Variants in WDR20 observed in about 807,000 individuals in gnomAD.
The protein encoded by WDR20 is WD repeat-containing protein 20.
In WDR20, 3 loss-of-function variants were observed where a neutral mutation model predicts 38.7. That is an observed-to-expected ratio of 0.08 (90% confidence interval 0.04 to 0.20). WDR20 has a LOEUF of 0.20. Among genes scored for constraint, WDR20 ranks in the 10% least tolerant of loss-of-function variants. The probability of loss-of-function intolerance (pLI) is 1.00; values close to 1 mark genes in which losing one functional copy is unlikely to be tolerated. For missense variants in WDR20, 559 were observed against 727.7 expected (o/e 0.77, Z 2.67); for synonymous variants, 298 against 285.6 (o/e 1.04, Z -0.44).
chr14:102,141,016 G>C (rs2050881099), intron 1 of WDR20, among the ~76,000 whole-genome samples: 1 of 152,188 alleles, frequency 6.6e-6, no homozygotes, highest in South Asian at 2.1e-4. Context: ...TGGCGGGCGA[G>C]TTACCGGTAA....
At chr14:102,214,100 C>G (rs1344818135), downstream of WDR20, 1 of 985,568 alleles carries the variant, frequency 1.0e-6, no homozygotes, top group Non-Finnish European at 1.2e-6. Flanking sequence ...GTCGGTGTGC[C>G]CTTGGCTGAG....
At chr14:102,195,513 T>C (rs541255246) in intron 2 of WDR20, among the ~76,000 whole-genome samples, 18 of 152,390 alleles carry the variant, frequency 1.2e-4, no homozygotes, top group African/African-American at 4.1e-4. Context: ...GCTGCTTAAA[T>C]TGTAGCCAAA....
At chr14:102,202,818 A>G (rs2060744193) in intron 2 of WDR20, among the ~76,000 whole-genome samples, 1 of 152,132 alleles carries the variant, frequency 6.6e-6, no homozygotes, top group Non-Finnish European at 1.5e-5. Context: ...ATCATAACTC[A>G]CTGCAGCCTT....
intron 1 of WDR20, among the ~76,000 whole-genome samples, chr14:102,147,943 C>T (rs923797132): frequency 2.6e-5 from 4 of 152,332 alleles, no homozygotes; most frequent in Admixed American, 2.6e-4. Flanking sequence ...GTTGGCCAGG[C>T]TGGCCTTGAA....
At chr14:102,168,620 T>TA in intron 1 of WDR20, among the ~76,000 whole-genome samples, 1 of 152,312 alleles carries the variant, frequency 6.6e-6, no homozygotes, top group Middle Eastern at 3.4e-3. Context: ...TAACCTGTTT[T>TA]AGAGTAGTTG....
intron 2 of WDR20, among the ~76,000 whole-genome samples, chr14:102,201,317 T>A (rs2060342175): frequency 6.6e-6 from 1 of 152,106 alleles, no homozygotes; most frequent in South Asian, 2.1e-4. Flanking sequence ...GAAATGCAGA[T>A]CCACTCACCC....
At chr14:102,212,169 C>CTG (rs1455232269), downstream of WDR20, among the ~76,000 whole-genome samples, 1 of 152,188 alleles carries the variant, frequency 6.6e-6, no homozygotes, top group Non-Finnish European at 1.5e-5. Context: ...GTATGGAGGC[C>CTG]TGTGTGTGTC....
At position 102,222,352 on chromosome 14, in the gene WDR20, C is replaced by T. The variant is rs1172383265; in HGVS notation, c.1693-478C>T. Among the ~76,000 whole-genome samples, 6 of 152,236 alleles carry T rather than the reference C, an allele frequency of 3.9e-5. No individual in the cohort carries two copies. Among genetic ancestry groups the T allele is most frequent in the Non-Finnish European group, 8.8e-5 (6 of 68,044 alleles). Reference sequence around the variant, plus strand: ...CACCACCCAACAAAGCAAGAACCCCCCAGCAGAGAATGCCCTTTCAAAGGT... The same window carrying T: ...CACCACCCAACAAAGCAAGAACCCCTCAGCAGAGAATGCCCTTTCAAAGGT... On this transcript the variant is annotated intron_variant, in intron 3 of 3. Transcript: ENST00000335263. This position sits in a 1 kb window ranked among gnomAD's most constrained non-coding sequence, Gnocchi z 4.4.
chr14:102,164,638 T>C (rs2059404121), intron 1 of WDR20, among the ~76,000 whole-genome samples: 1 of 152,254 alleles, frequency 6.6e-6, no homozygotes, highest in African/African-American at 2.4e-5. Context: ...CAGCAGCATT[T>C]GACACAATTG....
chr14:102,178,971 C>T (rs1365605375), intron 1 of WDR20: 2 of 152,062 alleles, frequency 1.3e-5, no homozygotes, highest in Admixed American at 6.6e-5. Context: ...CAAGGCTACA[C>T]AGCTGGTAAG....
intron 2 of WDR20, among the ~76,000 whole-genome samples, chr14:102,203,820 A>AT (rs894968967): frequency 1.0e-4 from 15 of 149,428 alleles, no homozygotes; most frequent in African/African-American, 2.7e-4. Flanking sequence ...ACTGACTAAG[A>AT]TTTTTTTTTT....
rs571317617 is a variant in WDR20 at position 102,222,766 on chromosome 14, C to T, written c.1693-64C>T. On this transcript the variant is annotated intron_variant, in intron 3 of 3. Transcript: ENST00000335263. This position sits in a 1 kb window ranked among gnomAD's most constrained non-coding sequence, Gnocchi z 4.4. ...ACCACGTGGAGCTGCTGGCGGAGGG[C>T]GCGCATGGTGGCTGTTGCCCGTCCG... 1.6e-5 allele frequency: 26 copies of T among 1,582,508 alleles called. No homozygotes were observed. In the South Asian group the frequency reaches 1.9e-4, roughly 11 times the overall value.
At chr14:102,212,752 C>A, downstream of WDR20, 1 of 1,362,470 alleles carries the variant, frequency 7.3e-7, no homozygotes, top group Non-Finnish European at 9.5e-7. Flanking sequence ...GTGCTGCTAA[C>A]CCTAGGAGAA....
chr14:102,182,955 T>G (rs562102698), intron 1 of WDR20, among the ~76,000 whole-genome samples: 6 of 151,612 alleles, frequency 4.0e-5, no homozygotes, highest in African/African-American at 7.3e-5. Flanking sequence ...TCTCAGCTAC[T>G]TGGGAGGCTG....
chr14:102,174,609 C>CG (rs1192003963), intron 1 of WDR20, among the ~76,000 whole-genome samples: 2 of 151,838 alleles, frequency 1.3e-5, no homozygotes, highest in East Asian at 3.9e-4. Flanking sequence ...TTAGTAGAGA[C>CG]GGGGTTTCAC....
chr14:102,185,988 A>G (rs1396220117), intron 1 of WDR20, among the ~76,000 whole-genome samples: 1 of 152,212 alleles, frequency 6.6e-6, no homozygotes, highest in Admixed American at 6.5e-5. Context: ...TGTTGGAGAC[A>G]GGGAGGTAAA....
downstream of WDR20, among the ~76,000 whole-genome samples, chr14:102,210,845 A>C (rs981879706): frequency 1.3e-5 from 2 of 152,136 alleles, no homozygotes; most frequent in African/African-American, 4.8e-5. Flanking sequence ...CTTCTCCCTG[A>C]CATGGCCCTC....
intron 1 of WDR20, among the ~76,000 whole-genome samples, chr14:102,178,304 A>G (rs538533355): frequency 6.6e-6 from 1 of 152,006 alleles, no homozygotes; most frequent in South Asian, 2.1e-4. Context: ...AGGCAGGAGA[A>G]TTGCTTGAAC....
At chr14:102,176,684 G>T (rs1373921557) in intron 1 of WDR20, among the ~76,000 whole-genome samples, 1 of 151,828 alleles carries the variant, frequency 6.6e-6, no homozygotes, top group Non-Finnish European at 1.5e-5. Context: ...GAATGATTTA[G>T]GGAGGACTCC....
Sources: gnomAD v4.1 joint callset for allele counts (sites outside exome capture counted in the v4.1 genomes callset) on GRCh38, gnomAD v4.1.1 for gene constraint, Gnocchi (gnomAD v3.1) non-coding constraint, MANE v1.5 for transcripts, NCBI Gene and HGNC (gene_info 2026-07-23, HGNC 2026-07-21) for gene names.